BMP7: variants seen among roughly 807,000 people sequenced by gnomAD.
BMP7 encodes bone morphogenetic protein 7, also known as osteogenic protein 1.
A neutral mutation model predicts 41.2 loss-of-function variants in BMP7; 12 were observed. The ratio of observed to expected loss-of-function variants is 0.29; its 90% CI spans 0.19 to 0.47. The LOEUF (loss-of-function observed/expected upper bound fraction) is 0.47. Ranked by LOEUF, BMP7 falls within the 20% of genes least tolerant of loss-of-function variation. The pLI is 0.99. For synonymous variants in BMP7, 248 were observed against 250.0 expected (o/e 0.99, Z 0.07); for missense variants, 467 against 606.0 (o/e 0.77, Z 2.41).
intron 3 of BMP7, among the ~76,000 whole-genome samples, chr20:57,186,853 T>C (rs1259484900): frequency 1.3e-5 from 2 of 152,252 alleles, no homozygotes; most frequent in South Asian, 2.1e-4. Flanking sequence ...GCCGCTATTT[T>C]ACCTTAACTC....
At chr20:57,198,199 ATCCTCTCCTCTCACTCTCCTCTCCCC>A (rs1984547506) in intron 3 of BMP7, among the ~76,000 whole-genome samples, 1 of 34,068 alleles carries the variant, frequency 2.9e-5, no homozygotes, top group African/African-American at 1.4e-4. Context: ...CCTCCTCTCT[ATCCTCTCCTCTCACTCTCCTCTCCCC>A]TCCTCTCCTC....
chr20:57,246,092 A>G (rs1178887408), intron 1 of BMP7, among the ~76,000 whole-genome samples: 1 of 152,194 alleles, frequency 6.6e-6, no homozygotes, highest in East Asian at 1.9e-4. Context: ...TGATCTACAC[A>G]CTGGTTACCC....
At chr20:57,237,050 A>C (rs2066050600) in intron 1 of BMP7, among the ~76,000 whole-genome samples, 1 of 152,246 alleles carries the variant, frequency 6.6e-6, no homozygotes, top group Non-Finnish European at 1.5e-5. Flanking sequence ...GCAGGAACAA[A>C]TATTTTATGA....
At chr20:57,222,162 C>G (rs1174301867) in intron 2 of BMP7, among the ~76,000 whole-genome samples, 1 of 152,180 alleles carries the variant, frequency 6.6e-6, no homozygotes, top group Non-Finnish European at 1.5e-5. Context: ...TGTGGGCAAC[C>G]TGCTGAGCCC....
chr20:57,216,416 A>C (rs1245394958), intron 2 of BMP7, among the ~76,000 whole-genome samples: 1 of 152,046 alleles, frequency 6.6e-6, no homozygotes, highest in Non-Finnish European at 1.5e-5. Context: ...AAAACAGAAC[A>C]CTGTGGGCCT....
chr20:57,266,290 C>T lies in BMP7; in HGVS notation c.-168G>A. The T allele has an allele frequency of 1.9e-6, 1 of 518,562 alleles. No homozygotes were observed. Among genetic ancestry groups the T allele is most frequent in the Non-Finnish European group, 2.9e-6 (1 of 345,152 alleles). The allele number at this position is 518,562 out of a possible 1,614,324, so 32.1% of individuals were successfully genotyped here. On this transcript the variant is annotated 5_prime_UTR_variant, in exon 1 of 7. Transcript: ENST00000395863. ...CCCGGCCGGCCGCGCTCTGCCCGGACCCCCGCCCCCTGCTCGGTGCTGGCC... is the reference window on the plus strand; with the variant it reads ...CCCGGCCGGCCGCGCTCTGCCCGGATCCCCGCCCCCTGCTCGGTGCTGGCC...
intron 4 of BMP7, chr20:57,177,999 T>C (rs1302394697): frequency 2.0e-5 from 3 of 152,246 alleles, no homozygotes; most frequent in African/African-American, 7.2e-5. Context: ...AGGCGGGTCA[T>C]AGATAAGTGA....
rs548517583 is a variant in BMP7 at position 57,214,224 on chromosome 20, C to T, written c.612-11601G>A. Among the ~76,000 whole-genome samples the T allele has an allele frequency of 9.2e-5, 14 of 152,234 alleles. No homozygotes were observed. Among genetic ancestry groups the T allele is most frequent in the Admixed American group, 2.6e-4 (4 of 15,306 alleles). On this transcript the variant is annotated intron_variant, in intron 2 of 6. Coordinates refer to ENST00000395863, the MANE Select transcript of BMP7 (RefSeq NM_001719.3). The surrounding 1 kb of genome is among the most constrained non-coding windows in gnomAD (Gnocchi z 4.0). ...GTTCCAGCAAAGTGTCACCCCTGCA[C>T]GGTGATGGTTTGATGGTGGAGGGAG... is the stretch of plus-strand genomic sequence containing the variant.
intron 1 of BMP7, among the ~76,000 whole-genome samples, chr20:57,250,377 A>C (rs985371035): frequency 6.7e-5 from 10 of 148,150 alleles, no homozygotes; most frequent in African/African-American, 2.2e-4. Flanking sequence ...TACACACACA[A>C]AAAATTAGCC....
In BMP7 at chr20:57,247,392, T is replaced by G. The variant is rs191566900; in HGVS notation, c.418+18313A>C. ...ATGGCTGCTGTGGTTCCAAGCAACA[T>G]GTCTTCACAAAACCACATTCAAGGC... On this transcript the variant is annotated intron_variant, in intron 1 of 6. Transcript: ENST00000395863. Among the ~76,000 whole-genome samples, 445 of 152,334 alleles carry G rather than the reference T, an allele frequency of 2.9e-3. 3 individuals carry two copies. Among genetic ancestry groups the G allele is most frequent in the African/African-American group, 0.01 (418 of 41,576 alleles).
intron 1 of BMP7, among the ~76,000 whole-genome samples, chr20:57,234,827 T>G (rs465840): frequency 4.6e-5 from 7 of 152,158 alleles, no homozygotes; most frequent in Non-Finnish European, 8.8e-5. Context: ...CAGGGCCTCA[T>G]AAATCTTCTG....
Position 57,249,048 on chromosome 20 carries a change from G to T in BMP7, c.418+16657C>A, listed in dbSNP as rs552922109. Among the ~76,000 whole-genome samples the T allele has an allele frequency of 3.3e-5, 5 of 152,014 alleles. No homozygotes were observed. In the South Asian group the frequency reaches 1.0e-3, roughly 32 times the overall value. ...GATCTCCTGATGTCATGATCTGCCC[G>T]CCTCGGCCTCCCAAAGTGCTAGGAT... is the stretch of plus-strand genomic sequence containing the variant. On this transcript the variant is annotated intron_variant, in intron 1 of 6. Coordinates refer to ENST00000395863, the MANE Select transcript of BMP7 (RefSeq NM_001719.3).
intron 1 of BMP7, among the ~76,000 whole-genome samples, chr20:57,257,845 A>G (rs1004745102): frequency 1.3e-4 from 19 of 144,688 alleles, no homozygotes; most frequent in Admixed American, 1.2e-3. Flanking sequence ...AAAAAAAAAA[A>G]CTTGCCTGCC....
At position 57,171,147 on chromosome 20, in the gene BMP7, G is replaced by T; in HGVS notation, c.1147-39C>A. On this transcript the variant is annotated intron_variant, in intron 6 of 6. Transcript: ENST00000395863. The surrounding 1 kb of genome is among the most constrained non-coding windows in gnomAD (Gnocchi z 4.5). ...CAAAACATGGGCAGTGGTGAGAAGC[G>T]GTGAGTCGTTCTAACTGGCCTCCAC... is the stretch of plus-strand genomic sequence containing the variant. The T allele has an allele frequency of 1.2e-6, 2 of 1,613,754 alleles. No individual in the cohort carries two copies. Among genetic ancestry groups the T allele is most frequent in the Non-Finnish European group, 1.7e-6 (2 of 1,179,792 alleles).
intron 2 of BMP7, among the ~76,000 whole-genome samples, chr20:57,218,666 G>C (rs532809257): frequency 1.6e-4 from 24 of 151,500 alleles, no homozygotes; most frequent in African/African-American, 5.6e-4. Flanking sequence ...GTGGTAGCTG[G>C]TGTTTGTTCA....
chr20:57,185,028 C>T (rs1984178719), intron 3 of BMP7, among the ~76,000 whole-genome samples: 1 of 152,146 alleles, frequency 6.6e-6, no homozygotes, highest in Admixed American at 6.5e-5. Context: ...TGGGGTGGGA[C>T]TTTCAGTGGT....
intron 4 of BMP7, among the ~76,000 whole-genome samples, chr20:57,179,401 C>T (rs942540678): frequency 6.6e-6 from 1 of 152,260 alleles, no homozygotes; most frequent in Non-Finnish European, 1.5e-5. Flanking sequence ...GCTCCCGCCT[C>T]CACGGGTCAT....
intron 6 of BMP7, chr20:57,172,961 C>T (rs1055340594): frequency 1.6e-6 from 1 of 609,908 alleles, no homozygotes; most frequent in Non-Finnish European, 2.9e-6. Context: ...CTTTTAGTTA[C>T]TTTAAAAATT....
At chr20:57,199,009 C>A (rs1054698208) in intron 3 of BMP7, among the ~76,000 whole-genome samples, 1 of 152,158 alleles carries the variant, frequency 6.6e-6, no homozygotes. Flanking sequence ...CTGTCTCTAC[C>A]CCTTCTGGAT....
Sources: gnomAD v4.1 joint callset for allele counts (sites outside exome capture counted in the v4.1 genomes callset) on GRCh38, gnomAD v4.1.1 for gene constraint, Gnocchi (gnomAD v3.1) non-coding constraint, MANE v1.5 for transcripts, NCBI Gene and HGNC (gene_info 2026-07-23, HGNC 2026-07-21) for gene names.